DIP2C: variants seen among roughly 807,000 people sequenced by gnomAD.
DIP2C encodes the protein disco-interacting protein 2 homolog C.
In DIP2C, 33 loss-of-function variants were observed where a neutral mutation model predicts 192.4. The ratio of observed to expected loss-of-function variants is 0.17; its 90% confidence interval spans 0.13 to 0.23. The LOEUF is 0.23. Among genes scored for constraint, DIP2C ranks in the 10% least tolerant of loss-of-function variants. The pLI is 1.00. For missense variants in DIP2C, 1,537 were observed against 2,110.1 expected (o/e 0.73, Z 5.32); for synonymous variants, 979 against 864.1 (o/e 1.13, Z -2.33).
At chr10:303,657 G>A (rs540675247) in intron 32 of DIP2C, among the ~76,000 whole-genome samples, 1 of 152,058 alleles carries the variant, frequency 6.6e-6, no homozygotes, top group Non-Finnish European at 1.5e-5. Context: ...CCTAGTAGCT[G>A]GGATTACAGG....
chr10:441,428 A>T (rs1380336958), intron 3 of DIP2C, among the ~76,000 whole-genome samples: 1 of 152,096 alleles, frequency 6.6e-6, no homozygotes, highest in Non-Finnish European at 1.5e-5. Flanking sequence ...TGTGTTGGCT[A>T]TTGACATGGG....
chr10:641,281 C>A (rs1052832432), intron 1 of DIP2C, among the ~76,000 whole-genome samples: 2 of 152,158 alleles, frequency 1.3e-5, no homozygotes, highest in Admixed American at 1.3e-4. Flanking sequence ...TTGGGGCCAG[C>A]ACGGACGCCA....
intron 10 of DIP2C, among the ~76,000 whole-genome samples, chr10:391,115 T>C (rs938400908): frequency 2.0e-5 from 3 of 152,184 alleles, no homozygotes; most frequent in Non-Finnish European, 2.9e-5. Flanking sequence ...GAAGAGGGTG[T>C]GGAAAGTGCT....
intron 1 of DIP2C, among the ~76,000 whole-genome samples, chr10:642,497 A>G (rs1855245390): frequency 1.3e-5 from 2 of 152,266 alleles, no homozygotes; most frequent in Non-Finnish European, 2.9e-5. Flanking sequence ...ATTTAAATGC[A>G]AACCAATCAA....
Position 589,349 on chromosome 10 carries a change from T to C in DIP2C, c.85+100145A>G, listed in dbSNP as rs184023792. Among the ~76,000 whole-genome samples the C allele has an allele frequency of 5.6e-3, 846 of 152,304 alleles. 10 individuals are homozygous for C. The highest frequency in any genetic ancestry group is 8.1e-3 in the Non-Finnish European group (552 of 68,018). On this transcript the variant is annotated intron_variant, in intron 1 of 36. Coordinates refer to ENST00000280886, the MANE Select transcript of DIP2C (RefSeq NM_014974.3). ...AGTTTAATTTTGATGAAGTCTTGTC[T>C]CCTTGTTTTCTTCCCTATGGATCAT...
chr10:284,632 C>T (rs548824505), intron 34 of DIP2C, among the ~76,000 whole-genome samples: 2 of 152,160 alleles, frequency 1.3e-5, no homozygotes, highest in Non-Finnish European at 2.9e-5. Flanking sequence ...TGCAAACCCT[C>T]AGTTAGAGGG....
intron 1 of DIP2C, among the ~76,000 whole-genome samples, chr10:597,444 C>T (rs1011177370): frequency 1.4e-5 from 2 of 141,956 alleles, no homozygotes; most frequent in Admixed American, 7.3e-5. Flanking sequence ...CCCAATATCC[C>T]AGTGCCCCCC....
chr10:553,135 A>C (rs953528866), intron 1 of DIP2C, among the ~76,000 whole-genome samples: 2 of 152,212 alleles, frequency 1.3e-5, no homozygotes, highest in African/African-American at 4.8e-5. Context: ...CTCCCTAAGA[A>C]GAGCCAGGCC....
At chr10:288,034 T>G (rs1252625522) in intron 33 of DIP2C, among the ~76,000 whole-genome samples, 1 of 152,168 alleles carries the variant, frequency 6.6e-6, no homozygotes, top group Admixed American at 6.5e-5. Flanking sequence ...GGCTGGAATG[T>G]GGAAATGATG....
chr10:678,601 ACTCGTGATCCCCGTG>A (rs1830962347), intron 1 of DIP2C, among the ~76,000 whole-genome samples: 36 of 131,228 alleles, frequency 2.7e-4, no homozygotes, highest in African/African-American at 1.1e-3. Flanking sequence ...TGCTCCCCAC[ACTCGTGATCCCCGTG>A]CCCATCTCTG....
intron 31 of DIP2C, among the ~76,000 whole-genome samples, chr10:318,465 A>G (rs1956870611): frequency 6.6e-6 from 1 of 152,224 alleles, no homozygotes; most frequent in East Asian, 1.9e-4. Context: ...GAACAAGGTC[A>G]GCAGTGCAGA....
chr10:477,892 A>G (rs1000430263), intron 2 of DIP2C, among the ~76,000 whole-genome samples: 3 of 132,390 alleles, frequency 2.3e-5, no homozygotes, highest in African/African-American at 8.8e-5. Flanking sequence ...GAGAGAAGAA[A>G]AGGAAAAGAG....
intron 3 of DIP2C, among the ~76,000 whole-genome samples, chr10:463,533 A>G (rs1969960065): frequency 6.6e-6 from 1 of 152,172 alleles, no homozygotes; most frequent in African/African-American, 2.4e-5. Flanking sequence ...ATGCTCATGG[A>G]TAGGAAGAAT....
At chr10:627,066 C>T (rs946712040) in intron 1 of DIP2C, among the ~76,000 whole-genome samples, 1 of 152,240 alleles carries the variant, frequency 6.6e-6, no homozygotes, top group African/African-American at 2.4e-5. Flanking sequence ...GCTCGCCGTA[C>T]CAGGATTTCG....
intron 1 of DIP2C, among the ~76,000 whole-genome samples, chr10:582,698 TCCAAA>T (rs921718422): frequency 1.3e-5 from 2 of 152,178 alleles, no homozygotes; most frequent in East Asian, 1.9e-4. Flanking sequence ...AAAGCGTGTC[TCCAAA>T]CCAAGTGTTC....
intron 2 of DIP2C, among the ~76,000 whole-genome samples, chr10:481,101 CTG>C (rs747800179): frequency 1.9e-4 from 29 of 152,222 alleles, no homozygotes; most frequent in South Asian, 4.1e-4. Flanking sequence ...GGTCACCAGA[CTG>C]TAACTCTCAT....
chr10:395,508 T>C (rs115759395), intron 10 of DIP2C, among the ~76,000 whole-genome samples: 1 of 152,242 alleles, frequency 6.6e-6, no homozygotes, highest in East Asian at 1.9e-4. Context: ...GGAGGGTCTC[T>C]GTACTTCACC....
At chr10:671,519 G>A (rs1196736687) in intron 1 of DIP2C, among the ~76,000 whole-genome samples, 1 of 101,948 alleles carries the variant, frequency 9.8e-6, no homozygotes, top group Admixed American at 1.0e-4. Flanking sequence ...GGCCACAGAC[G>A]CACGGACGGA....
At chr10:525,862 A>G (rs934475004) in intron 1 of DIP2C, among the ~76,000 whole-genome samples, 1 of 152,172 alleles carries the variant, frequency 6.6e-6, no homozygotes, top group African/African-American at 2.4e-5. Context: ...CCTGGAGGGT[A>G]GTCAACCCAG....
Sources: gnomAD v4.1 joint callset for allele counts (sites outside exome capture counted in the v4.1 genomes callset) on GRCh38, gnomAD v4.1.1 for gene constraint, MANE v1.5 for transcripts, NCBI Gene and HGNC (gene_info 2026-07-23, HGNC 2026-07-21) for gene names.